GPM6A: variants seen among roughly 807,000 people sequenced by gnomAD.
GPM6A encodes glycoprotein M6A.
Under a neutral mutation model 32.1 loss-of-function variants are expected in GPM6A, and 7 were observed. The observed-to-expected ratio is 0.22, with a 90% confidence interval of 0.12 to 0.41. GPM6A has a LOEUF of 0.41. Among genes scored for constraint, GPM6A ranks in the 10% least tolerant of loss-of-function variants. The probability of loss-of-function intolerance (pLI) is 1.00; values close to 1 mark genes in which losing one functional copy is unlikely to be tolerated. For synonymous variants in GPM6A, 130 were observed against 123.4 expected (o/e 1.05, Z -0.35); for missense variants, 235 against 347.2 (o/e 0.68, Z 2.57).
chr4:175,823,699 G>A (rs1376303345), intron 1 of GPM6A, among the ~76,000 whole-genome samples: 1 of 152,074 alleles, frequency 6.6e-6, no homozygotes, highest in Non-Finnish European at 1.5e-5. Context: ...AAGCGTTTTG[G>A]TATTTTTGCT....
At chr4:175,742,355 ATATAAACTAAT>A (rs1731920665) in intron 1 of GPM6A, among the ~76,000 whole-genome samples, 1 of 152,164 alleles carries the variant, frequency 6.6e-6, no homozygotes, top group African/African-American at 2.4e-5. Context: ...CCTGCTTAAA[ATATAAACTAAT>A]TACCCAGCAA....
chr4:175,638,515 G>T (rs905161878), intron 6 of GPM6A, among the ~76,000 whole-genome samples: 5 of 152,060 alleles, frequency 3.3e-5, no homozygotes, highest in African/African-American at 1.2e-4. Flanking sequence ...GATTGCTTAA[G>T]AAATACATAA....
intron 3 of GPM6A, among the ~76,000 whole-genome samples, chr4:175,667,298 C>T (rs1410084238): frequency 3.3e-5 from 5 of 152,060 alleles, no homozygotes; most frequent in African/African-American, 1.2e-4. Flanking sequence ...TGTAACCTTC[C>T]TCCTCATAAC....
intron 1 of GPM6A, among the ~76,000 whole-genome samples, chr4:175,721,148 A>ATATATATATATATATAT (rs1746108912): frequency 7.4e-6 from 1 of 135,214 alleles, no homozygotes; most frequent in Admixed American, 8.0e-5. Flanking sequence ...TATATATTCT[A>ATATATATATATATATAT]ATATATATAT....
chr4:175,909,824 T>C (rs1017534092), intron 1 of GPM6A, among the ~76,000 whole-genome samples: 1 of 152,058 alleles, frequency 6.6e-6, no homozygotes, highest in African/African-American at 2.4e-5. Context: ...ACATATTTAA[T>C]GAGAAATAAT....
chr4:175,690,443 G>T (rs79372554), intron 2 of GPM6A, among the ~76,000 whole-genome samples: 1 of 152,108 alleles, frequency 6.6e-6, no homozygotes, highest in Non-Finnish European at 1.5e-5. Flanking sequence ...TAAAAAAGAC[G>T]CATTCTTATG....
At chr4:175,815,058 C>G (rs900090292), upstream of GPM6A, among the ~76,000 whole-genome samples, 4 of 152,014 alleles carry the variant, frequency 2.6e-5, no homozygotes, top group African/African-American at 9.7e-5. Context: ...TTGCCCAGGC[C>G]AGAGTGCAGT....
chr4:175,688,214 G>A, intron 2 of GPM6A, among the ~76,000 whole-genome samples: 1 of 152,020 alleles, frequency 6.6e-6, no homozygotes, highest in South Asian at 2.1e-4. Flanking sequence ...AGTCACACTT[G>A]TCTATTATTT....
intron 1 of GPM6A, among the ~76,000 whole-genome samples, chr4:175,905,082 A>G (rs1212062794): frequency 6.6e-6 from 1 of 152,206 alleles, no homozygotes; most frequent in African/African-American, 2.4e-5. Context: ...ACCCAGGGAT[A>G]CACAGCATTT....
chr4:175,907,467 A>G (rs1234475183), intron 1 of GPM6A, among the ~76,000 whole-genome samples: 4 of 152,150 alleles, frequency 2.6e-5, no homozygotes, highest in African/African-American at 7.2e-5. Flanking sequence ...TCCTAAGTCT[A>G]TTCAATATTC....
intron 3 of GPM6A, among the ~76,000 whole-genome samples, chr4:175,664,964 A>G (rs1027859439): frequency 2.6e-5 from 4 of 152,204 alleles, no homozygotes; most frequent in African/African-American, 9.6e-5. Flanking sequence ...GCATGTTACT[A>G]TACCAAATGC....
chr4:175,756,142 G>A (rs1275404729), intron 1 of GPM6A, among the ~76,000 whole-genome samples: 2 of 152,090 alleles, frequency 1.3e-5, no homozygotes, highest in African/African-American at 2.4e-5. Context: ...GGTGTTAGGT[G>A]TGGTGGTGGA....
Position 175,920,802 on chromosome 4 carries a change from C to T in GPM6A, c.-23+81507G>A, listed in dbSNP as rs186553441. Among the ~76,000 whole-genome samples the T allele has an allele frequency of 9.0e-4, 136 of 150,776 alleles. 1 individual carries two copies. Among genetic ancestry groups the T allele is most frequent in the African/African-American group, 3.0e-3 (123 of 40,866 alleles). On this transcript the variant is annotated intron_variant, in intron 1 of 7. Coordinates refer to the GPM6A transcript ENST00000280187. ...AGGCGGTGGTGGCTCACTTGTGCCA[C>T]TGCACTCCAGCCTGGGCAACAGAGC...
intron 1 of GPM6A, among the ~76,000 whole-genome samples, chr4:175,750,753 TA>T (rs1276537285): frequency 1.3e-5 from 2 of 152,052 alleles, no homozygotes; most frequent in Non-Finnish European, 2.9e-5. Flanking sequence ...CCTGTATTTT[TA>T]GTAAAGATAT....
intron 1 of GPM6A, among the ~76,000 whole-genome samples, chr4:175,771,030 A>C (rs1260764067): frequency 6.6e-6 from 1 of 152,184 alleles, no homozygotes; most frequent in Non-Finnish European, 1.5e-5. Flanking sequence ...TGTCACAAAT[A>C]TGTAATGCCT....
At chr4:175,660,767 A>G (rs990930311) in intron 3 of GPM6A, among the ~76,000 whole-genome samples, 1 of 152,184 alleles carries the variant, frequency 6.6e-6, no homozygotes, top group African/African-American at 2.4e-5. Flanking sequence ...TAGAATGAAG[A>G]AGCAAAAAAA....
chr4:175,661,820 A>G (rs1009047748), intron 3 of GPM6A, among the ~76,000 whole-genome samples: 1 of 152,184 alleles, frequency 6.6e-6, no homozygotes, highest in Admixed American at 6.6e-5. Context: ...CTTAAAATTG[A>G]TCATGTAAAG....
intron 3 of GPM6A, among the ~76,000 whole-genome samples, chr4:175,667,578 C>A (rs1742820810): frequency 6.6e-6 from 1 of 152,056 alleles, no homozygotes; most frequent in Non-Finnish European, 1.5e-5. Context: ...AATAGTGTAT[C>A]ACTATTGGTT....
chr4:175,883,092 T>G (rs570226910), intron 1 of GPM6A, among the ~76,000 whole-genome samples: 12 of 152,210 alleles, frequency 7.9e-5, no homozygotes, highest in African/African-American at 2.4e-4. Context: ...AGCCAAATAT[T>G]TGACCACAGA....
Sources: gnomAD v4.1 joint callset for allele counts (sites outside exome capture counted in the v4.1 genomes callset) on GRCh38, gnomAD v4.1.1 for gene constraint, MANE v1.5 for transcripts, NCBI Gene and HGNC (gene_info 2026-07-23, HGNC 2026-07-21) for gene names.